DIAPH2: variants seen among roughly 807,000 people sequenced by gnomAD.
DIAPH2 encodes protein diaphanous homolog 2.
DIAPH2 carries 35 observed loss-of-function variants against 92.7 expected under a neutral mutation model. The ratio of observed to expected loss-of-function variants is 0.38; its 90% CI spans 0.29 to 0.50. DIAPH2 has a LOEUF of 0.50. Among genes scored for constraint, DIAPH2 ranks in the 20% least tolerant of loss-of-function variants. DIAPH2 has a pLI of 0.94. For synonymous variants in DIAPH2, 301 were observed against 280.4 expected (o/e 1.07, Z -0.73); for missense variants, 701 against 819.5 (o/e 0.86, Z 1.77).
chrX:96,976,834 CAAT>C (rs1418333996), intron 17 of DIAPH2, among the ~76,000 whole-genome samples: 1 of 110,757 alleles, frequency 9.0e-6, no homozygotes, highest in East Asian at 2.8e-4. Flanking sequence ...ATAATTAAAA[CAAT>C]AATAAATTTA....
At chrX:96,784,178 A>G (rs2064438658) in intron 4 of DIAPH2, among the ~76,000 whole-genome samples, 1 of 112,303 alleles carries the variant, frequency 8.9e-6, no homozygotes, top group African/African-American at 3.2e-5. Context: ...TTTGTAAATA[A>G]TGACAAAGAC....
intron 23 of DIAPH2, among the ~76,000 whole-genome samples, chrX:97,293,243 CTTTTTTTTT>C (rs1184478622): frequency 1.6e-4 from 10 of 63,201 alleles, no homozygotes; most frequent in Non-Finnish European, 3.0e-4. Flanking sequence ...ATATTTCTTT[CTTTTTTTTT>C]TTTTTTTTTT....
intron 21 of DIAPH2, among the ~76,000 whole-genome samples, chrX:97,130,475 G>A (rs2067130716): frequency 8.9e-6 from 1 of 111,900 alleles, no homozygotes; most frequent in South Asian, 3.8e-4. Context: ...GAATCTCCGT[G>A]ATGTTATGCT....
intron 26 of DIAPH2, among the ~76,000 whole-genome samples, chrX:97,474,187 A>G (rs1316764147): frequency 8.9e-6 from 1 of 112,124 alleles, no homozygotes; most frequent in Admixed American, 9.5e-5. Context: ...CGACTGCTGG[A>G]GTAGATCATC....
At chrX:96,805,222 T>TAGAA (rs67219446) in intron 4 of DIAPH2, among the ~76,000 whole-genome samples, 3 of 109,221 alleles carry the variant, frequency 2.7e-5, no homozygotes, top group African/African-American at 1.0e-4. Context: ...CACACACACA[T>TAGAA]ACACACACAT....
chrX:96,765,193 G>GTT (rs142407154), intron 4 of DIAPH2, among the ~76,000 whole-genome samples: 4,026 of 82,940 alleles, frequency 0.049, 142 homozygotes, highest in Middle Eastern at 0.1. Context: ...ATATTCACAT[G>GTT]TTTTTTTTTT....
chrX:97,568,984 T>G (rs983266357), intron 26 of DIAPH2, among the ~76,000 whole-genome samples: 4 of 112,093 alleles, frequency 3.6e-5, no homozygotes, highest in African/African-American at 1.3e-4. Context: ...TTTTGCTCAT[T>G]TAAATTCCAG....
chrX:97,583,246 C>T lies in DIAPH2; in HGVS notation c.3242-16007C>T, dbSNP rs577932500. ...CTGCGTTCCTTTGGAGGAGGAGAGG[C>T]GCTCTGATTTTTAGAGTTTCCAGTT... On this transcript the variant is annotated intron_variant, in intron 26 of 26. Coordinates refer to ENST00000324765, the MANE Select transcript of DIAPH2 (RefSeq NM_006729.5). 1.4e-4 allele frequency among the ~76,000 whole-genome samples: 16 copies of T among 111,302 alleles called. No individual in the cohort carries two copies. In the South Asian group the frequency reaches 4.7e-3, roughly 33 times the overall value.
chrX:96,987,541 T>G (rs750706862), intron 17 of DIAPH2, among the ~76,000 whole-genome samples: 83 of 111,410 alleles, frequency 7.4e-4, no homozygotes, highest in African/African-American at 2.6e-3. Flanking sequence ...CTTGCTTACT[T>G]AGACTCAAGA....
chrX:97,246,439 A>G (rs1195864867), intron 22 of DIAPH2, among the ~76,000 whole-genome samples: 1 of 112,439 alleles, frequency 8.9e-6, no homozygotes, highest in East Asian at 2.8e-4. Context: ...AGCTTGTCAG[A>G]TCTAAACAAA....
chrX:97,432,145 T>C (rs1380925626), intron 26 of DIAPH2, among the ~76,000 whole-genome samples: 1 of 111,998 alleles, frequency 8.9e-6, no homozygotes, highest in East Asian at 2.8e-4. Flanking sequence ...CAAAAAACAC[T>C]AAAATCAGAG....
At chrX:97,264,872 T>C (rs188974265) in intron 23 of DIAPH2, among the ~76,000 whole-genome samples, 1 of 111,050 alleles carries the variant, frequency 9.0e-6, no homozygotes, top group East Asian at 2.9e-4. Flanking sequence ...TAATCCCAGC[T>C]ACTTGCGAGG....
intron 24 of DIAPH2, among the ~76,000 whole-genome samples, chrX:97,349,080 A>T (rs969139402): frequency 9.3e-5 from 8 of 86,288 alleles, no homozygotes; most frequent in African/African-American, 3.0e-4. Flanking sequence ...ATATATATAT[A>T]TATTTTTTTT....
intron 25 of DIAPH2, among the ~76,000 whole-genome samples, chrX:97,400,443 A>G (rs1051833092): frequency 8.9e-6 from 1 of 111,989 alleles, no homozygotes; most frequent in African/African-American, 3.2e-5. Flanking sequence ...ACAGTGTACT[A>G]TGTGATGTTT....
At chrX:97,200,687 T>C (rs1227893766) in intron 22 of DIAPH2, among the ~76,000 whole-genome samples, 1 of 111,912 alleles carries the variant, frequency 8.9e-6, no homozygotes, top group Non-Finnish European at 1.9e-5. Context: ...CTCATCTTCC[T>C]GGGACAGAGC....
intron 22 of DIAPH2, among the ~76,000 whole-genome samples, chrX:97,183,857 T>C (rs1221967480): frequency 8.9e-5 from 10 of 112,184 alleles, no homozygotes; most frequent in Admixed American, 8.5e-4. Flanking sequence ...TGGACATTAT[T>C]TGTATTTTGT....
chrX:97,138,608 T>C (rs1050586297), intron 21 of DIAPH2, among the ~76,000 whole-genome samples: 7 of 112,209 alleles, frequency 6.2e-5, no homozygotes, highest in African/African-American at 2.3e-4. Flanking sequence ...ACTCTTGTCT[T>C]ATTTTCATTA....
intron 22 of DIAPH2, among the ~76,000 whole-genome samples, chrX:97,242,932 G>A (rs5921694): frequency 0.023 from 2,513 of 108,660 alleles, 29 homozygotes; most frequent in Middle Eastern, 0.042. Flanking sequence ...GACTACAGGC[G>A]CCCGCCCCCA....
intron 26 of DIAPH2, among the ~76,000 whole-genome samples, chrX:97,490,619 G>A (rs2070719351): frequency 9.3e-6 from 1 of 108,049 alleles, no homozygotes; most frequent in African/African-American, 3.4e-5. Flanking sequence ...ATTTTTGCAT[G>A]TCTTAAGATA....
Sources: allele counts gnomAD v4.1 joint callset (sites outside exome capture counted in the v4.1 genomes callset), GRCh38; gene constraint gnomAD v4.1.1; transcripts MANE v1.5; gene names NCBI Gene and HGNC (gene_info 2026-07-23, HGNC 2026-07-21).